Variants in COX7A2L observed in about 807,000 individuals in gnomAD.
COX7A2L encodes cytochrome c oxidase subunit 7A2 like, also known as cytochrome c oxidase subunit 7A2-like, mitochondrial.
Under a neutral mutation model 14.2 loss-of-function variants are expected in COX7A2L, and 18 were observed. That is an observed-to-expected ratio of 1.27 (90% CI 0.88 to 1.88). The LOEUF (loss-of-function observed/expected upper bound fraction) is 1.88, where lower values mean the gene tolerates loss of function less well. COX7A2L is among the 40% of genes most tolerant of loss of function. The pLI, the probability that COX7A2L is intolerant of heterozygous loss-of-function variation, is 0.00. For missense variants in COX7A2L, 179 were observed against 138.8 expected, an observed-to-expected ratio of 1.29 and a Z score of -1.46; for synonymous variants, 65 against 57.4, an observed-to-expected ratio of 1.13 and a Z score of -0.60.
At chr2:42,354,357 T>G (rs1350007868) in intron 1 of COX7A2L, among the ~76,000 whole-genome samples, 1 of 152,188 alleles carries the variant, frequency 6.6e-6, no homozygotes, top group African/African-American at 2.4e-5. Context: ...CAAAATAACC[T>G]GTAAATTAAA....
upstream of COX7A2L, among the ~76,000 whole-genome samples, chr2:42,364,282 G>C (rs1013828492): frequency 6.7e-6 from 1 of 150,258 alleles, no homozygotes; most frequent in Non-Finnish European, 1.5e-5. Flanking sequence ...TTGACAGTGG[G>C]TCTGGCAGAG....
intron 1 of COX7A2L, among the ~76,000 whole-genome samples, chr2:42,358,832 T>C (rs911361344): frequency 2.0e-5 from 3 of 152,158 alleles, no homozygotes; most frequent in Non-Finnish European, 2.9e-5. Flanking sequence ...ATGCTGAAGA[T>C]ATATTAAAAG....
At chr2:42,352,082 T>C (rs935348367) in intron 2 of COX7A2L, among the ~76,000 whole-genome samples, 1 of 152,192 alleles carries the variant, frequency 6.6e-6, no homozygotes, top group African/African-American at 2.4e-5. Context: ...GTCAATAGGT[T>C]CAAGTCCATT....
chr2:42,344,724 G>A (rs958758850), downstream of COX7A2L, among the ~76,000 whole-genome samples: 22 of 151,930 alleles, frequency 1.4e-4, no homozygotes, highest in African/African-American at 4.8e-4. Flanking sequence ...TGTGGCAAGC[G>A]CCTGTAGTCC....
chr2:42,360,245 G>C (rs1202312915), intron 1 of COX7A2L, among the ~76,000 whole-genome samples: 1 of 152,130 alleles, frequency 6.6e-6, no homozygotes, highest in African/African-American at 2.4e-5. Flanking sequence ...CACTTATCCA[G>C]AACCAACCAC....
At position 42,339,955 on chromosome 2, in the gene COX7A2L, T is replaced by C. The variant is rs556883813; in HGVS notation, c.193-6086A>G. Among the ~76,000 whole-genome samples the C allele has an allele frequency of 6.6e-6, 1 of 152,134 alleles. No individual in the cohort carries two copies. Among genetic ancestry groups the C allele is most frequent in the East Asian group, 1.9e-4 (1 of 5,160 alleles). On this transcript the variant is annotated intron_variant, in intron 2 of 2. Transcript: ENST00000468711. This position sits in a 1 kb window ranked among gnomAD's most constrained non-coding sequence, Gnocchi z 5.4. Reference sequence around the variant, plus strand: ...CACCCACCTTGTTCAGTCTTGGTTATCCCCCATTCTATTTCCTCACTCCCA... The same window carrying C: ...CACCCACCTTGTTCAGTCTTGGTTACCCCCCATTCTATTTCCTCACTCCCA...
intron 2 of COX7A2L, among the ~76,000 whole-genome samples, chr2:42,336,377 C>G (rs1388919376): frequency 1.3e-5 from 2 of 152,162 alleles, no homozygotes; most frequent in African/African-American, 2.4e-5. Context: ...AAAATCGATT[C>G]CAGAGGCCGA....
chr2:42,354,383 T>A (rs904322839), intron 1 of COX7A2L, among the ~76,000 whole-genome samples: 1 of 151,876 alleles, frequency 6.6e-6, no homozygotes, highest in Admixed American at 6.6e-5. Context: ...GAGCTAAGAG[T>A]TATAAGCCAA....
intron 1 of COX7A2L, among the ~76,000 whole-genome samples, chr2:42,367,571 G>C (rs1671190355): frequency 5.3e-5 from 8 of 152,224 alleles, no homozygotes. Context: ...GGGAACTGGA[G>C]AGGGTATGAC....
chr2:42,347,109 G>A (rs533550822), downstream of COX7A2L, among the ~76,000 whole-genome samples: 20 of 152,186 alleles, frequency 1.3e-4, no homozygotes, highest in Non-Finnish European at 2.8e-4. Flanking sequence ...GAAGTGATCT[G>A]CCACCTCAGC....
At chr2:42,341,547 G>A (rs57774557) in intron 2 of COX7A2L, among the ~76,000 whole-genome samples, 18,179 of 152,198 alleles carry the variant, frequency 0.12, 1,180 homozygotes, top group South Asian at 0.26. Flanking sequence ...TCCTGCTGCC[G>A]TGGGCGCCCA....
chr2:42,341,755 T>C (rs1467685283), intron 2 of COX7A2L, among the ~76,000 whole-genome samples: 1 of 152,262 alleles, frequency 6.6e-6, no homozygotes, highest in Non-Finnish European at 1.5e-5. Flanking sequence ...TTGAAAGTAA[T>C]TTAATGCTAG....
intron 1 of COX7A2L, among the ~76,000 whole-genome samples, chr2:42,356,070 C>T (rs1475072263): frequency 6.6e-6 from 1 of 152,066 alleles, no homozygotes; most frequent in African/African-American, 2.4e-5. Flanking sequence ...TGCTTTGTCA[C>T]TCAGGCTGGA....
At chr2:42,355,884 C>T (rs1459208621) in intron 1 of COX7A2L, among the ~76,000 whole-genome samples, 2 of 151,906 alleles carry the variant, frequency 1.3e-5, no homozygotes, top group Non-Finnish European at 2.9e-5. Context: ...CGCCACCACG[C>T]CCAGCTAATT....
chr2:42,361,055 T>C (rs3764906), intron 1 of COX7A2L, 35 bp downstream of exon 1: 496,693 of 1,607,910 alleles, frequency 0.31, 80,869 homozygotes, highest in East Asian at 0.55. Flanking sequence ...GGGCCGCCAC[T>C]TCTCATGTCC....
At chr2:42,348,811 G>A (rs568831555), downstream of COX7A2L, among the ~76,000 whole-genome samples, 2 of 151,966 alleles carry the variant, frequency 1.3e-5, no homozygotes, top group African/African-American at 4.8e-5. Flanking sequence ...CTAGTTACTC[G>A]GGAGGCTGAC....
intron 1 of COX7A2L, chr2:42,368,817 C>T (rs1401480326): frequency 1.3e-5 from 2 of 152,168 alleles, no homozygotes; most frequent in African/African-American, 2.4e-5. Context: ...CCAGTAGACC[C>T]CAACCTTGGC....
In COX7A2L at chr2:42,350,876, C is replaced by G. The variant is rs1670617084; in HGVS notation, c.*343G>C. The G allele has an allele frequency of 5.9e-6, 1 of 169,864 alleles. No individual in the cohort carries two copies. The highest frequency in any genetic ancestry group is 6.2e-5 in the Admixed American group (1 of 16,038). The allele number at this position is 169,864 out of a possible 1,614,324, so 10.5% of individuals were successfully genotyped here. A position where few individuals can be genotyped will look rare whatever the true frequency, so the allele number is the denominator to read the frequency against. On this transcript the variant is annotated 3_prime_UTR_variant, in exon 3 of 3. Coordinates refer to ENST00000234301, the MANE Select transcript of COX7A2L (RefSeq NM_004718.4). ...GCCACATCCAAATCCAGAAAGGCTC[C>G]TGCACCCCATGCTCAAAAATGCAAC...
At chr2:42,361,540 C>A (rs1246128196), upstream of COX7A2L, 3 of 176,246 alleles carry the variant, frequency 1.7e-5, no homozygotes, top group African/African-American at 7.2e-5. Context: ...TCAGGTGGAG[C>A]ATGCTTTAGG....
Sources: gnomAD v4.1 joint callset for allele counts (sites outside exome capture counted in the v4.1 genomes callset) on GRCh38, gnomAD v4.1.1 for gene constraint, Gnocchi (gnomAD v3.1) non-coding constraint, MANE v1.5 for transcripts, NCBI Gene and HGNC (gene_info 2026-07-23, HGNC 2026-07-21) for gene names.